Variants in NEO1 observed in about 807,000 individuals in gnomAD.
The protein encoded by NEO1 is neogenin 1.
A neutral mutation model predicts 159.7 loss-of-function variants in NEO1; 63 were observed. The observed-to-expected ratio is 0.39, with a 90% CI of 0.32 to 0.49. The LOEUF (loss-of-function observed/expected upper bound fraction) is 0.49. Among genes scored for constraint, NEO1 ranks in the 20% least tolerant of loss-of-function variants. NEO1 has a pLI of 0.85. For missense variants in NEO1, 1,615 were observed against 1,831.0 expected (o/e 0.88, Z 2.15); for synonymous variants, 633 against 662.0 (o/e 0.96, Z 0.67).
At chr15:73,162,147 CA>C in intron 5 of NEO1, 1 of 227,096 alleles carries the variant, frequency 4.4e-6, no homozygotes, top group South Asian at 7.6e-5. Context: ...CTACCACCTC[CA>C]GGGGCAGATC....
chr15:73,289,155 C>T lies in NEO1; in HGVS notation c.3659C>T (p.Ser1220Leu), dbSNP rs1269887830. The T allele has an allele frequency of 2.0e-5, 33 of 1,613,988 alleles. No individual in the cohort carries two copies. The highest frequency in any genetic ancestry group is 2.6e-5 in the Non-Finnish European group (31 of 1,179,926). Reference protein sequence around the residue: ...QRRNSYRGHESEDSMSTLAGR... With the variant: ...QRRNSYRGHELEDSMSTLAGR... ...CACGTTTAACATCTAGGGCATGAGTCAGAGGACAGCATGTCTACACTGGCT... is the reference window on the plus strand; with the variant it reads ...CACGTTTAACATCTAGGGCATGAGTTAGAGGACAGCATGTCTACACTGGCT... The change falls in exon 25 of 29, where the codon TCA becomes TTA. Residue 1220 changes from serine to leucine, a missense_variant. Around this residue, in one of 3 missense-constraint regions of NEO1, gnomAD observed 471 missense variants for 498.9 expected, o/e 0.94. Transcript: ENST00000261908.
At chr15:73,205,333 G>T (rs2037149153) in intron 7 of NEO1, among the ~76,000 whole-genome samples, 2 of 152,112 alleles carry the variant, frequency 1.3e-5, no homozygotes, top group Admixed American at 6.5e-5. Flanking sequence ...CCCCACTTAG[G>T]TCAAACAGGA....
chr15:73,257,300 G>A (rs1164669800), intron 13 of NEO1, among the ~76,000 whole-genome samples: 1 of 149,166 alleles, frequency 6.7e-6, no homozygotes, highest in Non-Finnish European at 1.5e-5. Flanking sequence ...CCTTGCCCAT[G>A]AGGAGATTAT....
intron 7 of NEO1, among the ~76,000 whole-genome samples, chr15:73,233,235 C>CTGGG (rs972100697): frequency 2.0e-4 from 30 of 152,278 alleles, no homozygotes; most frequent in African/African-American, 7.0e-4. Flanking sequence ...ATAGAGAACA[C>CTGGG]TGGGGCCACA....
chr15:73,276,605 ATCCAGGAAC>A (rs1221258619), intron 21 of NEO1, among the ~76,000 whole-genome samples: 1 of 152,230 alleles, frequency 6.6e-6, no homozygotes, highest in Non-Finnish European at 1.5e-5. Context: ...CCTTTTGGAT[ATCCAGGAAC>A]TCCTGTTACC....
In NEO1 at chr15:73,105,096, C is replaced by A. The variant is rs553826207; in HGVS notation, c.131-11444C>A. On this transcript the variant is annotated intron_variant, in intron 1 of 28. Transcript: ENST00000261908. ...TATATGAAAATATTTTATTAAATTT[C>A]TTGAAAAATCTTATCTACTCAGTAT... is the stretch of plus-strand genomic sequence containing the variant. Among the ~76,000 whole-genome samples, 5 of 152,210 alleles carry A rather than the reference C, an allele frequency of 3.3e-5. No individual in the cohort carries two copies. In the South Asian group the frequency reaches 1.0e-3, roughly 32 times the overall value.
At chr15:73,122,155 A>C (rs965198973) in intron 2 of NEO1, among the ~76,000 whole-genome samples, 2 of 148,078 alleles carry the variant, frequency 1.4e-5, no homozygotes, top group Non-Finnish European at 3.0e-5. Flanking sequence ...AAATGTGTAC[A>C]TGTTTCACAC....
chr15:73,237,591 T>C (rs2039248420), intron 8 of NEO1, among the ~76,000 whole-genome samples: 1 of 152,214 alleles, frequency 6.6e-6, no homozygotes, highest in East Asian at 1.9e-4. Flanking sequence ...GACTGGCAAG[T>C]TTAGCAAGTG....
At chr15:73,091,671 T>C (rs1355725022) in intron 1 of NEO1, among the ~76,000 whole-genome samples, 1 of 151,896 alleles carries the variant, frequency 6.6e-6, no homozygotes, top group Non-Finnish European at 1.5e-5. Context: ...TCAGGTGATC[T>C]TCCCACCACA....
At chr15:73,090,333 T>C (rs2069616560) in intron 1 of NEO1, among the ~76,000 whole-genome samples, 2 of 152,164 alleles carry the variant, frequency 1.3e-5, no homozygotes. Flanking sequence ...TAGCTGGTAC[T>C]ACAGGCGCAT....
intron 7 of NEO1, among the ~76,000 whole-genome samples, chr15:73,196,980 T>C (rs1037414135): frequency 2.0e-5 from 3 of 152,208 alleles, no homozygotes; most frequent in Non-Finnish European, 4.4e-5. Context: ...TAAATATCTA[T>C]TGGATTAAAC....
chr15:73,156,808 G>A (rs575570288), intron 5 of NEO1, among the ~76,000 whole-genome samples: 5 of 152,288 alleles, frequency 3.3e-5, no homozygotes, highest in African/African-American at 9.6e-5. Context: ...TAGGGGCCAA[G>A]CTGAGTGGAG....
chr15:73,175,898 T>A (rs1368610279), intron 5 of NEO1, among the ~76,000 whole-genome samples: 2 of 152,198 alleles, frequency 1.3e-5, no homozygotes, highest in Non-Finnish European at 2.9e-5. Flanking sequence ...CCATTGCATA[T>A]AATGAGGGAT....
At chr15:73,126,766 T>A (rs1388541323) in intron 4 of NEO1, 196 bp downstream of exon 4, 2 of 505,114 alleles carry the variant, frequency 4.0e-6, no homozygotes, top group African/African-American at 4.0e-5. Flanking sequence ...TTTCAAAATA[T>A]TAAGAGATAA....
intron 7 of NEO1, among the ~76,000 whole-genome samples, chr15:73,234,702 A>G (rs183586689): frequency 1.3e-5 from 2 of 152,266 alleles, no homozygotes; most frequent in African/African-American, 4.8e-5. Flanking sequence ...TCTTATAACA[A>G]TCTGCACTCT....
At chr15:73,091,578 T>C (rs921977124) in intron 1 of NEO1, among the ~76,000 whole-genome samples, 2 of 152,106 alleles carry the variant, frequency 1.3e-5, no homozygotes, top group Non-Finnish European at 2.9e-5. Flanking sequence ...TGTTTGTTTT[T>C]CTGAGACAGG....
At chr15:73,227,867 C>T (rs1239664571) in intron 7 of NEO1, among the ~76,000 whole-genome samples, 2 of 152,092 alleles carry the variant, frequency 1.3e-5, no homozygotes, top group South Asian at 2.1e-4. Context: ...GCCTAGAAAG[C>T]GAGGATGGGA....
intron 7 of NEO1, among the ~76,000 whole-genome samples, chr15:73,212,336 C>G (rs2037628413): frequency 6.6e-6 from 1 of 152,152 alleles, no homozygotes; most frequent in South Asian, 2.1e-4. Flanking sequence ...ACCTGTCTGT[C>G]CCTTTGGAGG....
intron 5 of NEO1, among the ~76,000 whole-genome samples, chr15:73,170,813 A>G (rs2151930790): frequency 6.6e-6 from 1 of 152,316 alleles, no homozygotes; most frequent in East Asian, 1.9e-4. Context: ...AATTGAAGGA[A>G]TATAGTAATA....
Sources: gnomAD v4.1 joint callset for allele counts (sites outside exome capture counted in the v4.1 genomes callset) on GRCh38, gnomAD v4.1.1 for gene constraint, gnomAD v4.1.1 regional missense constraint, MANE v1.5 for transcripts, NCBI Gene and HGNC (gene_info 2026-07-23, HGNC 2026-07-21) for gene names.